GTSE1: variants seen among roughly 807,000 people sequenced by gnomAD.
GTSE1 encodes the protein G2 and S-phase expressed 1, also known as G2 and S phase-expressed protein 1.
GTSE1 carries 52 observed loss-of-function variants against 60.5 expected under a neutral mutation model. The ratio of observed to expected loss-of-function variants is 0.86; its 90% CI spans 0.69 to 1.08. The LOEUF (loss-of-function observed/expected upper bound fraction) is 1.08, where lower values mean the gene tolerates loss of function less well. Among genes scored for constraint, GTSE1 ranks in the 50% least tolerant of loss-of-function variants. The pLI, the probability that GTSE1 is intolerant of heterozygous loss-of-function variation, is 0.00. For missense variants in GTSE1, 937 were observed against 961.8 expected (o/e 0.97, Z 0.34); for synonymous variants, 368 against 386.5 (o/e 0.95, Z 0.56).
chr22:46,308,073 C>A, intron 2 of GTSE1, 77 bp from the exon 3 acceptor site: 1 of 955,808 alleles, frequency 1.0e-6, no homozygotes, highest in Non-Finnish European at 1.7e-6. Context: ...TTATTTAATT[C>A]CAAGCCATAG....
Position 46,316,084 on chromosome 22 carries a change from A to G in GTSE1, c.1104A>G (p.Ser368=), listed in dbSNP as rs376740347. The G allele has an allele frequency of 3.2e-6, 5 of 1,543,000 alleles. No homozygotes were observed. In the African/African-American group the frequency reaches 4.1e-5, roughly 13 times the overall value. Residue 368 remains serine, a synonymous_variant, in exon 7 of 12, where the codon TCA becomes TCG. Transcript: ENST00000454366. This position sits in a 1 kb window ranked among gnomAD's most constrained non-coding sequence, Gnocchi z 5.0. Reference sequence around the variant, plus strand: ...CTGCAAATAGCTCCCGGCCTCTGTCAAACATCAGCAAGTCAGGCAGAATGG... The same window carrying G: ...CTGCAAATAGCTCCCGGCCTCTGTCGAACATCAGCAAGTCAGGCAGAATGG... ...SIPANSSRPL[S]NISKSGRMGP...
In GTSE1 at chr22:46,324,986, C is replaced by T. The variant is rs1217856408; in HGVS notation, c.1506-1450C>T. Reference sequence around the variant, plus strand: ...GACTCATTTTATTTTAAAATAATGTCTTTGTCCTTTTTGGGCTACTATAAC... The same window carrying T: ...GACTCATTTTATTTTAAAATAATGTTTTTGTCCTTTTTGGGCTACTATAAC... On this transcript the variant is annotated intron_variant, in intron 8 of 11. Coordinates refer to ENST00000454366, the MANE Select transcript of GTSE1 (RefSeq NM_016426.7). This position sits in a 1 kb window ranked among gnomAD's most constrained non-coding sequence, Gnocchi z 5.2. Among the ~76,000 whole-genome samples, 5 of 152,124 alleles carry T rather than the reference C, an allele frequency of 3.3e-5. No homozygotes were observed. Among genetic ancestry groups the T allele is most frequent in the Non-Finnish European group, 7.4e-5 (5 of 68,018 alleles).
chr22:46,329,177 T>G lies in GTSE1; in HGVS notation c.1927-181T>G, dbSNP rs1601919871. ...TGGTGAGCGGGTATGGACAGGGAGG[T>G]GGGCAACAGTCAGAGAGGCACGGCC... On this transcript the variant is annotated intron_variant, in intron 10 of 11. Transcript: ENST00000454366. This position sits in a 1 kb window ranked among gnomAD's most constrained non-coding sequence, Gnocchi z 6.4. 1.5e-6 allele frequency: 1 copy of G among 663,012 alleles called. No homozygotes were observed. The highest frequency in any genetic ancestry group is 2.7e-6 in the Non-Finnish European group (1 of 373,266). 41.1% of individuals were successfully genotyped at this position (663,012 alleles called of 1,614,324 possible).
At position 46,319,172 on chromosome 22, in the gene GTSE1, G is replaced by A. The variant is rs75783211; in HGVS notation, c.1432+2760G>A. ...GGCAGGGTAAGAAGAGATGAAGATG[G>A]AGGGGCAGCCCGAGGCCGGCTCCCA... On this transcript the variant is annotated intron_variant, in intron 7 of 11. Transcript: ENST00000454366. The surrounding 1 kb of genome is among the most constrained non-coding windows in gnomAD (Gnocchi z 5.0). Among the ~76,000 whole-genome samples, 2,188 of 152,314 alleles carry A rather than the reference G, an allele frequency of 0.014. 47 individuals are homozygous for A. Among genetic ancestry groups the A allele is most frequent in the African/African-American group, 0.05 (2,059 of 41,558 alleles).
chr22:46,300,605 T>A (rs751659787), intron 2 of GTSE1, among the ~76,000 whole-genome samples: 1 of 152,204 alleles, frequency 6.6e-6, no homozygotes, highest in Non-Finnish European at 1.5e-5. Flanking sequence ...CTCACCGCAC[T>A]GCCTGAGGCA....
rs1374855034 is a variant in GTSE1 at position 46,313,092 on chromosome 22, G to A, written c.927+787G>A. Among the ~76,000 whole-genome samples the A allele has an allele frequency of 6.6e-6, 1 of 151,176 alleles. No homozygotes were observed. Among genetic ancestry groups the A allele is most frequent in the Admixed American group, 6.6e-5 (1 of 15,154 alleles). ...GTGGGAGGATTGCTTGAGCCCAGGA[G>A]GTCAAGGCTGCAGTGAGCTGTGATC... On this transcript the variant is annotated intron_variant, in intron 5 of 11. Coordinates refer to ENST00000454366, the MANE Select transcript of GTSE1 (RefSeq NM_016426.7). This position sits in a 1 kb window ranked among gnomAD's most constrained non-coding sequence, Gnocchi z 4.4.
At chr22:46,303,386 C>T (rs1385270164) in intron 2 of GTSE1, among the ~76,000 whole-genome samples, 1 of 152,226 alleles carries the variant, frequency 6.6e-6, no homozygotes, top group African/African-American at 2.4e-5. Context: ...GTTGATTGCT[C>T]TGTAATGATT....
intron 2 of GTSE1, among the ~76,000 whole-genome samples, chr22:46,299,723 C>T (rs564942839): frequency 2.4e-4 from 36 of 152,320 alleles, no homozygotes; most frequent in East Asian, 1.9e-4. Flanking sequence ...CTTTCGGATA[C>T]ACTTTCTACA....
chr22:46,321,377 C>T lies in GTSE1; in HGVS notation c.1433-1813C>T, dbSNP rs1041791874. The stretch of plus-strand genomic sequence containing the variant: ...AGTGATCAAGCCACTGCACTCCAGC[C>T]TGGGTGACAGAGCAAGACCTTGTTT... On this transcript the variant is annotated intron_variant, in intron 7 of 11. Coordinates refer to ENST00000454366, the MANE Select transcript of GTSE1 (RefSeq NM_016426.7). This position sits in a 1 kb window ranked among gnomAD's most constrained non-coding sequence, Gnocchi z 4.0. 6.6e-6 allele frequency among the ~76,000 whole-genome samples: 1 copy of T among 152,136 alleles called. No homozygotes were observed. Among genetic ancestry groups the T allele is most frequent in the Non-Finnish European group, 1.5e-5 (1 of 68,026 alleles).
At position 46,313,816 on chromosome 22, in the gene GTSE1, T is replaced by G. The variant is rs538291313; in HGVS notation, c.928-74T>G. ...GCCACCGTGCCCAGCCAAAAACCCC[T>G]TACTTTTGCAGACACAAGTAATAGG... On this transcript the variant is annotated intron_variant, in intron 5 of 11. Transcript: ENST00000454366. This position sits in a 1 kb window ranked among gnomAD's most constrained non-coding sequence, Gnocchi z 4.4. 1 of 1,574,844 alleles carries G rather than the reference T, an allele frequency of 6.3e-7. No homozygotes were observed. Among genetic ancestry groups the G allele is most frequent in the African/African-American group, 1.4e-5 (1 of 74,062 alleles).
chr22:46,312,387 C>G (rs1220063676), intron 5 of GTSE1, 82 bp downstream of exon 5: 3 of 1,409,084 alleles, frequency 2.1e-6, no homozygotes, highest in Non-Finnish European at 1.9e-6. Context: ...GGATTAAAAT[C>G]CCAGCATTTT....
chr22:46,315,397 A>G (rs1601909897), intron 6 of GTSE1, among the ~76,000 whole-genome samples: 1 of 152,030 alleles, frequency 6.6e-6, no homozygotes, highest in African/African-American at 2.4e-5. Context: ...GTCTCACTAT[A>G]TTAGCCAGGC....
intron 8 of GTSE1, among the ~76,000 whole-genome samples, chr22:46,323,763 CT>C (rs1374974614): frequency 1.3e-5 from 2 of 152,090 alleles, no homozygotes; most frequent in Non-Finnish European, 2.9e-5. Flanking sequence ...TCTCGGCTCA[CT>C]GCAAACTCCA....
Position 46,330,719 on chromosome 22 carries a change from C to G in GTSE1, c.*589C>G, listed in dbSNP as rs971170903. On this transcript the variant is annotated 3_prime_UTR_variant, in exon 12 of 12. Coordinates refer to ENST00000454366, the MANE Select transcript of GTSE1 (RefSeq NM_016426.7). The surrounding 1 kb of genome is among the most constrained non-coding windows in gnomAD (Gnocchi z 6.0). ...TTTGAATGTTTTGTATGTAAAATAG[C>G]AAGTGGCTATTTTTAAAGTTAAGTT... 1.3e-5 allele frequency: 2 copies of G among 152,346 alleles called. No homozygotes were observed. The highest frequency in any genetic ancestry group is 4.8e-5 in the African/African-American group (2 of 41,398). 9.4% of individuals were successfully genotyped at this position (152,346 alleles called of 1,614,324 possible).
At chr22:46,323,618 T>G (rs2077826593) in intron 8 of GTSE1, among the ~76,000 whole-genome samples, 1 of 152,226 alleles carries the variant, frequency 6.6e-6, no homozygotes, top group African/African-American at 2.4e-5. Flanking sequence ...CTGGATTTCC[T>G]AAAGCTCCTG....
At chr22:46,302,670 T>G (rs542141272) in intron 2 of GTSE1, among the ~76,000 whole-genome samples, 26 of 151,598 alleles carry the variant, frequency 1.7e-4, no homozygotes, top group African/African-American at 1.2e-4. Flanking sequence ...CCGACCAATC[T>G]TTGGTAGCTT....
rs2077735377 is a variant in GTSE1 at position 46,309,313 on chromosome 22, T to G, written c.762+370T>G. Among the ~76,000 whole-genome samples the G allele has an allele frequency of 6.6e-6, 1 of 152,180 alleles. No individual in the cohort carries two copies. The highest frequency in any genetic ancestry group is 1.5e-5 in the Non-Finnish European group (1 of 68,022). Reference sequence around the variant, plus strand: ...GACCGTGCCTCAGTTTACACTGCATTCCTCCTGGGCACTGAGTGAGGTGAG... The same window carrying G: ...GACCGTGCCTCAGTTTACACTGCATGCCTCCTGGGCACTGAGTGAGGTGAG... On this transcript the variant is annotated intron_variant, in intron 4 of 11. Transcript: ENST00000454366. The surrounding 1 kb of genome is among the most constrained non-coding windows in gnomAD (Gnocchi z 6.2).
Position 46,329,542 on chromosome 22 carries a change from C to T in GTSE1, c.2111C>T (p.Ala704Val). ...TNTPDMNKNV[A>V]KPSPVVGQLI... ...ACTCCAGACATGAATAAAAATGTGG[C>T]CAAACCTTCACCGGTGGTGGGACAG... Residue 704 changes from alanine (A) to valine (V), a missense_variant, in exon 11 of 12, where the codon GCC (alanine) becomes GTC (valine). By Grantham distance (64) the Ala-to-Val change is moderately conservative. Transcript: ENST00000454366. This position sits in a 1 kb window ranked among gnomAD's most constrained non-coding sequence, Gnocchi z 6.4. The T allele has an allele frequency of 1.2e-6, 2 of 1,614,072 alleles. No homozygotes were observed. Among genetic ancestry groups the T allele is most frequent in the Non-Finnish European group, 1.7e-6 (2 of 1,179,938 alleles).
Position 46,298,970 on chromosome 22 carries a change from T to G in GTSE1, c.79+1491T>G, listed in dbSNP as rs141149120. On this transcript the variant is annotated intron_variant, in intron 2 of 11. Transcript: ENST00000454366. ...ACTTTGAGAGCTTTCTCACTTGTTA[T>G]GCCATTTTTTTCCGCCTCTCAATCC... is the stretch of plus-strand genomic sequence containing the variant. Among the ~76,000 whole-genome samples the G allele has an allele frequency of 2.6e-5, 4 of 152,364 alleles. No homozygotes were observed. In the East Asian group the frequency reaches 7.7e-4, roughly 29 times the overall value.
Sources: allele counts gnomAD v4.1 joint callset (sites outside exome capture counted in the v4.1 genomes callset), GRCh38; gene constraint gnomAD v4.1.1; non-coding constraint Gnocchi (gnomAD v3.1); transcripts MANE v1.5; gene names NCBI Gene and HGNC (gene_info 2026-07-23, HGNC 2026-07-21).